The following CNBD1 variants were observed in gnomAD, a reference collection of about 807,000 sequenced individuals.
CNBD1 encodes cyclic nucleotide-binding domain-containing protein 1.
CNBD1 carries 71 observed loss-of-function variants against 54.4 expected under a neutral mutation model. That is an observed-to-expected ratio of 1.30 (90% CI 1.08 to 1.59). The LOEUF (loss-of-function observed/expected upper bound fraction) is 1.59. Among genes scored for constraint, CNBD1 ranks in the 40% most tolerant of loss-of-function variants. The pLI, the probability that CNBD1 is intolerant of heterozygous loss-of-function variation, is 0.00. For missense variants in CNBD1, 659 were observed against 518.0 expected, an observed-to-expected ratio of 1.27 and a Z score of -2.64; for synonymous variants, 182 against 170.7, an observed-to-expected ratio of 1.07 and a Z score of -0.51.
intron 8 of CNBD1, among the ~76,000 whole-genome samples, chr8:87,328,196 A>T (rs1332598761): frequency 6.6e-6 from 1 of 151,798 alleles, no homozygotes; most frequent in Non-Finnish European, 1.5e-5. Context: ...CCATTGTTCG[A>T]TATCCAGTTT....
chr8:87,400,090 A>G (rs552029088), intron 2 of CNBD1, among the ~76,000 whole-genome samples: 1 of 152,058 alleles, frequency 6.6e-6, no homozygotes, highest in Admixed American at 6.6e-5. Context: ...TCCAGGGGCA[A>G]GATCCTTCTT....
intron 8 of CNBD1, among the ~76,000 whole-genome samples, chr8:87,343,523 A>G (rs988717636): frequency 1.1e-4 from 16 of 152,198 alleles, no homozygotes; most frequent in African/African-American, 3.9e-4. Flanking sequence ...TCCCGCAACA[A>G]AAAACAGATT....
chr8:87,385,894 G>T (rs1006764491), downstream of CNBD1, among the ~76,000 whole-genome samples: 7 of 152,094 alleles, frequency 4.6e-5, no homozygotes, highest in African/African-American at 1.7e-4. Context: ...CAACTCACAT[G>T]GCCGGGTACT....
At chr8:87,051,935 G>A (rs943976085) in intron 4 of CNBD1, among the ~76,000 whole-genome samples, 3 of 152,196 alleles carry the variant, frequency 2.0e-5, no homozygotes, top group African/African-American at 7.2e-5. Context: ...CCATCTGTGA[G>A]ACTGGCCTTG....
chr8:87,152,690 T>G (rs1263095415), intron 4 of CNBD1, among the ~76,000 whole-genome samples: 1 of 152,146 alleles, frequency 6.6e-6, no homozygotes, highest in Non-Finnish European at 1.5e-5. Flanking sequence ...AACTCCATCC[T>G]CACATGTGTT....
At chr8:86,945,094 A>G (rs1807435584) in intron 4 of CNBD1, among the ~76,000 whole-genome samples, 2 of 152,172 alleles carry the variant, frequency 1.3e-5, no homozygotes, top group Non-Finnish European at 2.9e-5. Flanking sequence ...TTAAAATGCA[A>G]TTATAAAATA....
At chr8:86,936,774 A>T (rs1809556401) in intron 3 of CNBD1, among the ~76,000 whole-genome samples, 1 of 151,936 alleles carries the variant, frequency 6.6e-6, no homozygotes, top group Non-Finnish European at 1.5e-5. Context: ...TATAGGGATT[A>T]AGAATAATCT....
intron 10 of CNBD1, among the ~76,000 whole-genome samples, chr8:87,374,491 G>C (rs77388222): frequency 0.019 from 2,868 of 151,768 alleles, 91 homozygotes; most frequent in African/African-American, 0.063. Flanking sequence ...CATTTTCATT[G>C]CCCGTCTTTA....
At chr8:86,949,617 G>C (rs938843385) in intron 4 of CNBD1, among the ~76,000 whole-genome samples, 2 of 151,990 alleles carry the variant, frequency 1.3e-5, no homozygotes, top group Non-Finnish European at 2.9e-5. Flanking sequence ...TCATTTTAGG[G>C]GGGAGTCTTT....
chr8:87,424,932 A>G (rs917968608), intron 2 of CNBD1, among the ~76,000 whole-genome samples: 1 of 151,978 alleles, frequency 6.6e-6, no homozygotes, highest in Non-Finnish European at 1.5e-5. Context: ...ACTTGGTTCC[A>G]TTCTCCCCAT....
chr8:87,370,085 C>T (rs1387187363), intron 10 of CNBD1, among the ~76,000 whole-genome samples: 2 of 151,868 alleles, frequency 1.3e-5, no homozygotes, highest in Non-Finnish European at 2.9e-5. Flanking sequence ...GCATAGTATT[C>T]CATGGTGTAT....
intron 4 of CNBD1, among the ~76,000 whole-genome samples, chr8:86,951,245 G>A (rs945727904): frequency 6.6e-6 from 1 of 151,996 alleles, no homozygotes; most frequent in Non-Finnish European, 1.5e-5. Context: ...TAAAAGTACA[G>A]ATAATGCAAC....
chr8:87,131,570 C>T (rs910153097), intron 4 of CNBD1, among the ~76,000 whole-genome samples: 2 of 152,134 alleles, frequency 1.3e-5, no homozygotes, highest in Admixed American at 1.3e-4. Flanking sequence ...TCCTTATAAA[C>T]ATTGCTGTAG....
At chr8:87,267,002 C>G (rs1386733929) in intron 6 of CNBD1, among the ~76,000 whole-genome samples, 1 of 152,066 alleles carries the variant, frequency 6.6e-6, no homozygotes, top group Non-Finnish European at 1.5e-5. Context: ...CAGAAGGAAA[C>G]TATATTGATA....
chr8:87,040,200 A>T (rs1810035180), intron 4 of CNBD1, among the ~76,000 whole-genome samples: 1 of 152,188 alleles, frequency 6.6e-6, no homozygotes, highest in African/African-American at 2.4e-5. Flanking sequence ...TTTGAGACAG[A>T]TTGTTACTGT....
At chr8:87,188,408 C>A (rs781738974) in intron 4 of CNBD1, among the ~76,000 whole-genome samples, 1 of 152,130 alleles carries the variant, frequency 6.6e-6, no homozygotes, top group Non-Finnish European at 1.5e-5. Context: ...TGAAAATTAA[C>A]CATTGCACAA....
chr8:86,901,284 A>G (rs1292244716), intron 2 of CNBD1, among the ~76,000 whole-genome samples: 2 of 152,106 alleles, frequency 1.3e-5, no homozygotes, highest in Non-Finnish European at 2.9e-5. Flanking sequence ...ATTTCTTTTA[A>G]TTTTCATCAA....
Position 87,224,387 on chromosome 8 carries a change from A to C in CNBD1, c.578-12532A>C, listed in dbSNP as rs1203540040. Among the ~76,000 whole-genome samples the C allele has an allele frequency of 2.0e-5, 3 of 151,632 alleles. No homozygotes were observed. In the East Asian group the frequency reaches 5.8e-4, roughly 29 times the overall value. On this transcript the variant is annotated intron_variant, in intron 5 of 10. Transcript: ENST00000518476. ...TTTTATGGTTTTAGGTCTAATGTTT[A>C]AGTCTTTAATCCATCTTGAATTGAT...
At chr8:87,371,201 G>A (rs1810783498) in intron 10 of CNBD1, among the ~76,000 whole-genome samples, 1 of 151,882 alleles carries the variant, frequency 6.6e-6, no homozygotes, top group South Asian at 2.1e-4. Context: ...GGATTGACTG[G>A]GCAATGGGGG....
Sources: allele counts gnomAD v4.1 joint callset (sites outside exome capture counted in the v4.1 genomes callset), GRCh38; gene constraint gnomAD v4.1.1; transcripts MANE v1.5; gene names NCBI Gene and HGNC (gene_info 2026-07-23, HGNC 2026-07-21).